The following NUP214 variants were observed in gnomAD, a reference collection of about 807,000 sequenced individuals.
NUP214 encodes the protein nuclear pore complex protein Nup214.
Under a neutral mutation model 196.2 loss-of-function variants are expected in NUP214, and 79 were observed. The observed-to-expected ratio is 0.40, with a 90% CI of 0.34 to 0.49. The LOEUF (loss-of-function observed/expected upper bound fraction) is 0.49, where lower values mean the gene tolerates loss of function less well. Ranked by LOEUF, NUP214 falls within the 20% of genes least tolerant of loss-of-function variation. NUP214 has a pLI of 0.58. For missense variants in NUP214, 2,468 were observed against 2,539.0 expected, an observed-to-expected ratio of 0.97 and a Z score of 0.60; for synonymous variants, 1,020 against 990.5, an observed-to-expected ratio of 1.03 and a Z score of -0.56.
intron 24 of NUP214, among the ~76,000 whole-genome samples, chr9:131,180,817 T>C (rs1161977171): frequency 1.3e-5 from 2 of 152,198 alleles, no homozygotes; most frequent in African/African-American, 2.4e-5. Context: ...CAAACACTTA[T>C]TTTGGTGTGC....
chr9:131,170,801 A>G (rs1280517330), intron 21 of NUP214, among the ~76,000 whole-genome samples: 1 of 97,776 alleles, frequency 1.0e-5, no homozygotes, highest in African/African-American at 3.8e-5. Context: ...TATTATTATT[A>G]TCATTATTAT....
intron 24 of NUP214, among the ~76,000 whole-genome samples, chr9:131,181,809 G>A (rs115684092): frequency 0.047 from 7,175 of 152,138 alleles, 260 homozygotes; most frequent in African/African-American, 0.1. Context: ...CCTTTGACAC[G>A]AAAATTTAGT....
rs749069499 is a variant in NUP214 at position 131,198,686 on chromosome 9, T to C, written c.5192T>C (p.Val1731Ala). The change falls in exon 29 of 36, where the codon GTC becomes GCC. Residue 1731 changes from valine to alanine, a missense_variant. Val to Ala is a moderately conservative substitution (Grantham distance 64). Transcript: ENST00000359428. ...FGQTTFGQAS[V>A]FGQSASSAAS... ...CAGACAACCTTCGGGCAGGCCTCAG[T>C]CTTTGGGCAGTCGGCGAGCAGTGCT... The C allele has an allele frequency of 6.2e-7, 1 of 1,614,186 alleles. No individual in the cohort carries two copies. Among genetic ancestry groups the C allele is most frequent in the East Asian group, 2.2e-5 (1 of 44,890 alleles).
chr9:131,135,963 C>G lies in NUP214; in HGVS notation c.962C>G (p.Ala321Gly). ...AGGGATTTAGTGCTGGCAGCATCTGCGGCTTCAACAGAAGTTAGTATCCTT... is the reference window on the plus strand; with the variant it reads ...AGGGATTTAGTGCTGGCAGCATCTGGGGCTTCAACAGAAGTTAGTATCCTT... The part of the protein sequence containing the change: ...EEWDLVLAAS[A>G]ASTEVSILAR... The change falls in exon 9 of 36, where the codon GCG becomes GGG. Residue 321 changes from alanine (A) to glycine (G), a missense_variant. Ala to Gly is a moderately conservative substitution (Grantham distance 60). Coordinates refer to ENST00000359428, the MANE Select transcript of NUP214 (RefSeq NM_005085.4). The G allele has an allele frequency of 6.2e-7, 1 of 1,613,728 alleles. No individual in the cohort carries two copies. The highest frequency in any genetic ancestry group is 1.3e-5 in the African/African-American group (1 of 75,052).
chr9:131,215,797 G>A (rs1001311528), intron 31 of NUP214, among the ~76,000 whole-genome samples: 7 of 152,076 alleles, frequency 4.6e-5, no homozygotes, highest in Non-Finnish European at 1.0e-4. Context: ...CTCCTGTAGG[G>A]AGATGTCACC....
At position 131,197,408 on chromosome 9, in the gene NUP214, C is replaced by A. The variant is rs199532141; in HGVS notation, c.3914C>A (p.Thr1305Asn). 9 of 1,614,180 alleles carry A rather than the reference C, an allele frequency of 5.6e-6. No individual in the cohort carries two copies. Among genetic ancestry groups the A allele is most frequent in the Middle Eastern group, 1.6e-4 (1 of 6,062 alleles). The change falls in exon 29 of 36, where the codon ACC (threonine) becomes AAC (asparagine). Residue 1305 changes from threonine to asparagine, a missense_variant. Around this residue, in one of 5 missense-constraint regions of NUP214, gnomAD observed 1,801 missense variants for 1,779.4 expected, o/e 1.01. Transcript: ENST00000359428. Reference sequence around the variant, plus strand: ...GCACCTTCTGGAACTGCTCTTTCCACCACCTCTAGTAAGCTGGAAACCCCA... The same window carrying A: ...GCACCTTCTGGAACTGCTCTTTCCAACACCTCTAGTAAGCTGGAAACCCCA... ...PVAPSGTALS[T>N]TSSKLETPPS...
chr9:131,177,195 A>G (rs1275941498), intron 23 of NUP214, among the ~76,000 whole-genome samples: 1 of 152,228 alleles, frequency 6.6e-6, no homozygotes, highest in East Asian at 1.9e-4. Context: ...AAAGATTGTA[A>G]AGAAAAATTC....
At chr9:131,212,962 G>C (rs1834287120) in intron 30 of NUP214, among the ~76,000 whole-genome samples, 1 of 151,990 alleles carries the variant, frequency 6.6e-6, no homozygotes, top group African/African-American at 2.4e-5. Context: ...TCTTCTGTCT[G>C]CTTTTTGTAG....
chr9:131,225,968 C>G (rs1043996449), intron 32 of NUP214, among the ~76,000 whole-genome samples: 1 of 152,166 alleles, frequency 6.6e-6, no homozygotes, highest in Admixed American at 6.5e-5. Flanking sequence ...GTGGTCTACA[C>G]CCTGCTGTCT....
intron 21 of NUP214, among the ~76,000 whole-genome samples, chr9:131,171,482 T>C (rs2133579591): frequency 6.6e-6 from 1 of 152,020 alleles, no homozygotes. Context: ...ATGGATGCCG[T>C]AACAAATTAT....
At chr9:131,132,845 C>T (rs555259655) in intron 6 of NUP214, 186 bp downstream of exon 6, 10 of 626,208 alleles carry the variant, frequency 1.6e-5, no homozygotes, top group South Asian at 1.4e-4. Context: ...CTGTGTTTCA[C>T]GATAAATGAC....
Position 131,198,353 on chromosome 9 carries a change from C to T in NUP214, c.4859C>T (p.Thr1620Ile), listed in dbSNP as rs1450348848. Residue 1620 changes from threonine to isoleucine, a missense_variant, in exon 29 of 36, where the codon ACC becomes ATC. Physicochemically the swap from Thr to Ile is moderately conservative, Grantham distance 89. Coordinates refer to ENST00000359428, the MANE Select transcript of NUP214 (RefSeq NM_005085.4). ...TCAAGTACCCCCATAGCCTCCAGCACCACGTCCATTGTTGCTCCCGGCCCA... is the reference window on the plus strand; with the variant it reads ...TCAAGTACCCCCATAGCCTCCAGCATCACGTCCATTGTTGCTCCCGGCCCA... ...ETSSTPIASS[T>I]TSIVAPGPSA... The T allele has an allele frequency of 6.2e-7, 1 of 1,614,280 alleles. No homozygotes were observed. Among genetic ancestry groups the T allele is most frequent in the East Asian group, 2.2e-5 (1 of 44,892 alleles).
At chr9:131,203,092 C>T (rs551461817) in intron 30 of NUP214, among the ~76,000 whole-genome samples, 77 of 151,882 alleles carry the variant, frequency 5.1e-4, no homozygotes, top group African/African-American at 1.8e-3. Context: ...ACTACAGGTG[C>T]CCACCACCGC....
At chr9:131,145,328 T>C (rs779009308) in intron 12 of NUP214, among the ~76,000 whole-genome samples, 1 of 152,184 alleles carries the variant, frequency 6.6e-6, no homozygotes, top group Non-Finnish European at 1.5e-5. Flanking sequence ...CTTGTTCTTT[T>C]CTTCCCACTA....
At chr9:131,140,828 C>A in intron 11 of NUP214, 118 bp downstream of exon 11, 2 of 980,802 alleles carry the variant, frequency 2.0e-6, no homozygotes, top group Non-Finnish European at 3.0e-6. Flanking sequence ...CCTGGTCTGT[C>A]TTAGGAAGGC....
chr9:131,138,035 A>C (rs140671601), intron 9 of NUP214, among the ~76,000 whole-genome samples: 54 of 152,192 alleles, frequency 3.5e-4, no homozygotes, highest in African/African-American at 1.3e-3. Context: ...GTTTTTGTTT[A>C]ATATGAACGT....
In NUP214 at chr9:131,199,065, A is replaced by G. The variant is rs147361841; in HGVS notation, c.5521+50A>G. ...CTTGTTTCCCTCTCTGCTATTTGAA[A>G]CATTAGCAACAGACCCCTATTACTT... On this transcript the variant is annotated intron_variant, in intron 29 of 35. Coordinates refer to ENST00000359428, the MANE Select transcript of NUP214 (RefSeq NM_005085.4). 4.8e-4 allele frequency: 732 copies of G among 1,524,834 alleles called. 6 individuals carry two copies. In the African/African-American group the frequency reaches 9.4e-3, roughly 20 times the overall value. 94.5% of individuals were successfully genotyped at this position (1,524,834 alleles called of 1,614,324 possible).
intron 14 of NUP214, chr9:131,150,020 T>C (rs1832209013): frequency 9.5e-6 from 2 of 210,748 alleles, no homozygotes; most frequent in African/African-American, 4.6e-5. Context: ...TTTTTTATTC[T>C]CTTTATGTTT....
intron 6 of NUP214, 105 bp from the exon 7 acceptor site, chr9:131,133,001 T>A (rs1831604029): frequency 1.1e-6 from 1 of 875,154 alleles, no homozygotes; most frequent in Admixed American, 2.1e-5. Context: ...ATCAGGGCCT[T>A]TGATTTTTTT....
Sources: allele counts gnomAD v4.1 joint callset (sites outside exome capture counted in the v4.1 genomes callset), GRCh38; gene constraint gnomAD v4.1.1; regional missense constraint gnomAD v4.1.1; transcripts MANE v1.5; gene names NCBI Gene and HGNC (gene_info 2026-07-23, HGNC 2026-07-21).